Variants in KNDC1 observed in about 807,000 individuals in gnomAD.
The protein encoded by KNDC1 is kinase non-catalytic C-lobe domain-containing protein 1.
KNDC1 carries 106 observed loss-of-function variants against 172.8 expected under a neutral mutation model. That is an observed-to-expected ratio of 0.61 (90% CI 0.52 to 0.72). KNDC1 has a LOEUF of 0.72. KNDC1 is among the 30% of genes least tolerant of loss of function. KNDC1 has a pLI of 0.00. For synonymous variants in KNDC1, 1,083 were observed against 1,062.2 expected, an observed-to-expected ratio of 1.02 and a Z score of -0.38; for missense variants, 2,325 against 2,394.5, an observed-to-expected ratio of 0.97 and a Z score of 0.61.
Position 133,170,626 on chromosome 10 carries a change from C to G in KNDC1, c.360+2314C>G, listed in dbSNP as rs192449308. Among the ~76,000 whole-genome samples the G allele has an allele frequency of 1.6e-3, 238 of 152,326 alleles. 1 individual carries two copies. The highest frequency in any genetic ancestry group is 4.4e-3 in the African/African-American group (183 of 41,564). ...TTAAAACCAAGACATTTTAAGTTAT[C>G]TATTAATTCATTTAAAAATCACAAT... On this transcript the variant is annotated intron_variant, in intron 3 of 29. Coordinates refer to ENST00000304613, the MANE Select transcript of KNDC1 (RefSeq NM_152643.8).
chr10:133,198,502 G>A lies in KNDC1; in HGVS notation c.2069+3G>A, dbSNP rs1282938570. 5 of 1,598,288 alleles carry A rather than the reference G, an allele frequency of 3.1e-6. No homozygotes were observed. Among genetic ancestry groups the A allele is most frequent in the South Asian group, 1.1e-5 (1 of 89,796 alleles). On this transcript the variant is annotated splice_donor_region_variant and intron_variant, in intron 13 of 29. Transcript: ENST00000304613. The stretch of plus-strand genomic sequence containing the variant: ...GCGCAGAACGCAAGTGTGGCCAGGT[G>A]AGCATCGTCCCCACACCCCGGAGCT...
chr10:133,163,607 C>G lies in KNDC1; in HGVS notation c.102+3038C>G, dbSNP rs1256231350. ...AGTTTTGTATTAGTCCTGTTAGAAT[C>G]CCACGGCTGAAAAAAATCAGTTGGT... On this transcript the variant is annotated intron_variant, in intron 1 of 29. Transcript: ENST00000304613. The surrounding 1 kb of genome is among the most constrained non-coding windows in gnomAD (Gnocchi z 4.4). Among the ~76,000 whole-genome samples, 1 of 152,112 alleles carries G rather than the reference C, an allele frequency of 6.6e-6. No individual in the cohort carries two copies. Among genetic ancestry groups the G allele is most frequent in the Non-Finnish European group, 1.5e-5 (1 of 68,026 alleles).
Position 133,207,265 on chromosome 10 carries a change from C to T in KNDC1, c.3708C>T (p.Asn1236=), listed in dbSNP as rs147343928. Residue 1236 remains asparagine (N), a synonymous_variant, in exon 20 of 30, where the codon AAC becomes AAT. Transcript: ENST00000304613. ...AGTCCTCCTCGCTCATCTTCTACAA[C>T]GTCAACAAGCACCCGGGCGGCCGGC... ...LDESSSLIFY[N]VNKHPGGRQK... 9.9e-6 allele frequency: 16 copies of T among 1,613,124 alleles called. No individual in the cohort carries two copies. The highest frequency in any genetic ancestry group is 2.2e-5 in the East Asian group (1 of 44,874).
chr10:133,189,890 G>GGA, intron 9 of KNDC1, 77 bp downstream of exon 9: 1 of 1,228,084 alleles, frequency 8.1e-7, no homozygotes, highest in East Asian at 2.5e-5. Context: ...CTGTCCAGCA[G>GGA]CCCCCCATCA....
chr10:133,182,023 G>A (rs1264004823), intron 3 of KNDC1, among the ~76,000 whole-genome samples: 1 of 152,198 alleles, frequency 6.6e-6, no homozygotes, highest in Non-Finnish European at 1.5e-5. Context: ...GATGAGCTTG[G>A]TGATAGTGGT....
At chr10:133,176,447 A>G (rs1056960084) in intron 3 of KNDC1, among the ~76,000 whole-genome samples, 4 of 152,256 alleles carry the variant, frequency 2.6e-5, no homozygotes, top group South Asian at 4.1e-4. Flanking sequence ...TGTTGAGAGC[A>G]TGATCCCAGG....
intron 26 of KNDC1, among the ~76,000 whole-genome samples, chr10:133,216,358 A>G (rs1250293202): frequency 6.6e-6 from 1 of 152,184 alleles, no homozygotes; most frequent in Non-Finnish European, 1.5e-5. Flanking sequence ...CAGAAGCAGG[A>G]AGAAACAGCG....
At position 133,224,928 on chromosome 10, in the gene KNDC1, C is replaced by A; in HGVS notation, c.*38C>A. ...CTGGTGTGGAATTCCAGATCCGAATCCGACTGTGGGGGGCGGGCTGGGAGG... is the reference window on the plus strand; with the variant it reads ...CTGGTGTGGAATTCCAGATCCGAATACGACTGTGGGGGGCGGGCTGGGAGG... On this transcript the variant is annotated 3_prime_UTR_variant, in exon 30 of 30. Coordinates refer to ENST00000304613, the MANE Select transcript of KNDC1 (RefSeq NM_152643.8). The surrounding 1 kb of genome is among the most constrained non-coding windows in gnomAD (Gnocchi z 5.4). 2.0e-6 allele frequency: 3 copies of A among 1,536,272 alleles called. No individual in the cohort carries two copies. The highest frequency in any genetic ancestry group is 1.1e-5 in the South Asian group (1 of 88,530).
Position 133,200,400 on chromosome 10 carries a change from C to T in KNDC1, c.2929C>T (p.Leu977Phe). The change falls in exon 16 of 30, where the codon CTC (leucine) becomes TTC (phenylalanine). Residue 977 changes from leucine (L) to phenylalanine (F), a missense_variant. Physicochemically the swap from Leu to Phe is conservative, Grantham distance 22. Transcript: ENST00000304613. ...CACGGCCGAGGAGGCTGGGTCACAG[C>T]TCGAGGGCAGCCAAAGCCCCCGCTC... ...PSTAEEAGSQ[L>F]EGSQSPRSPS... The T allele has an allele frequency of 6.3e-7, 1 of 1,597,892 alleles. No individual in the cohort carries two copies. The highest frequency in any genetic ancestry group is 8.5e-7 in the Non-Finnish European group (1 of 1,173,040).
Position 133,189,500 on chromosome 10 carries a change from G to A in KNDC1, c.1442-98G>A, listed in dbSNP as rs1020050868. Reference sequence around the variant, plus strand: ...GCCCGTGCAATGGGGAGGCTGGGGGGCTGCCCGGCCTGACTGAGGCTCCGC... The same window carrying A: ...GCCCGTGCAATGGGGAGGCTGGGGGACTGCCCGGCCTGACTGAGGCTCCGC... On this transcript the variant is annotated intron_variant, in intron 7 of 29. Transcript: ENST00000304613. 1.2e-5 allele frequency: 14 copies of A among 1,172,490 alleles called. No homozygotes were observed. The East Asian group carries it at 1.5e-4, about 13-fold the overall frequency. 72.6% of individuals were successfully genotyped at this position (1,172,490 alleles called of 1,614,324 possible). A position where few individuals can be genotyped will look rare whatever the true frequency, so the allele number is the denominator to read the frequency against.
rs1589781917 is a variant in KNDC1, at chr10:133,224,591, A to C, written c.5019-68A>C. 1 of 1,092,436 alleles carries C rather than the reference A, an allele frequency of 9.2e-7. No homozygotes were observed. The highest frequency in any genetic ancestry group is 1.4e-6 in the Non-Finnish European group (1 of 738,266). 67.7% of individuals were successfully genotyped at this position (1,092,436 alleles called of 1,614,324 possible). On this transcript the variant is annotated intron_variant, in intron 29 of 29. Transcript: ENST00000304613. The surrounding 1 kb of genome is among the most constrained non-coding windows in gnomAD (Gnocchi z 5.4). ...AAATGATTCCTAAGAACGCGGGGGG[A>C]CTCCCTCCCCACGGAAGCCGCGCCC... is the stretch of plus-strand genomic sequence containing the variant.
At chr10:133,177,854 T>C (rs1421035754) in intron 3 of KNDC1, among the ~76,000 whole-genome samples, 3 of 151,508 alleles carry the variant, frequency 2.0e-5, no homozygotes, top group Non-Finnish European at 4.4e-5. Context: ...TGTAGTGTGT[T>C]GTCATGGGCA....
At chr10:133,223,788 A>C (rs1589781389) in intron 29 of KNDC1, among the ~76,000 whole-genome samples, 3 of 37,856 alleles carry the variant, frequency 7.9e-5, no homozygotes, top group Non-Finnish European at 1.0e-4. Flanking sequence ...TGTGTGTGAG[A>C]GCCCATCCAG....
intron 28 of KNDC1, among the ~76,000 whole-genome samples, chr10:133,219,387 G>A (rs915717684): frequency 5.3e-5 from 8 of 152,202 alleles, no homozygotes; most frequent in South Asian, 2.1e-4. Flanking sequence ...GAGCTTGACC[G>A]ACCTGGACCT....
At chr10:133,214,209 G>A in intron 26 of KNDC1, 87 bp downstream of exon 26, 1 of 1,445,676 alleles carries the variant, frequency 6.9e-7, no homozygotes, top group Non-Finnish European at 9.4e-7. Flanking sequence ...GCCGTGGCCT[G>A]AACCCTCTCC....
At position 133,198,346 on chromosome 10, in the gene KNDC1, C is replaced by T. The variant is rs1409655475; in HGVS notation, c.1916C>T (p.Pro639Leu). ...PAPEPSPGFL[P>L]VNSDTGLVAV... is the part of the protein sequence containing the mutation. ...CCCCCTGGCTCCCCAGGCTTCCTGCCGGTGAACAGCGACACCGGGCTTGTG... is the reference window on the plus strand; with the variant it reads ...CCCCCTGGCTCCCCAGGCTTCCTGCTGGTGAACAGCGACACCGGGCTTGTG... The change falls in exon 13 of 30, where the codon CCG (proline) becomes CTG (leucine). Residue 639 changes from proline to leucine, a missense_variant. Physicochemically the swap from Pro to Leu is moderately conservative, Grantham distance 98 (BLOSUM62 -3). Coordinates refer to ENST00000304613, the MANE Select transcript of KNDC1 (RefSeq NM_152643.8). The T allele has an allele frequency of 6.3e-6, 10 of 1,580,114 alleles. No homozygotes were observed. Among genetic ancestry groups the T allele is most frequent in the South Asian group, 5.7e-5 (5 of 87,736 alleles).
At chr10:133,210,842 G>A in intron 21 of KNDC1, 118 bp downstream of exon 21, 1 of 850,492 alleles carries the variant, frequency 1.2e-6, no homozygotes, top group Non-Finnish European at 2.0e-6. Context: ...CCAAGGGGGT[G>A]AGGGGCCAGG....
At position 133,198,977 on chromosome 10, in the gene KNDC1, C is replaced by T. The variant is rs560440547; in HGVS notation, c.2469C>T (p.His823=). The T allele has an allele frequency of 1.1e-4, 169 of 1,546,548 alleles. No individual in the cohort carries two copies. Among genetic ancestry groups the T allele is most frequent in the Non-Finnish European group, 1.3e-4 (152 of 1,150,260 alleles). The part of the protein sequence containing the change: ...PDALGPTTAH[H]GPRHPPKPPR... The stretch of plus-strand genomic sequence containing the variant: ...CCCTGGGGCCCACCACGGCCCACCA[C>T]GGCCCACGCCACCCGCCCAAGCCCC... The change falls in exon 14 of 30, where the codon CAC becomes CAT. Residue 823 remains histidine, a synonymous_variant. Transcript: ENST00000304613.
At chr10:133,161,157 G>A (rs547777904) in intron 1 of KNDC1, among the ~76,000 whole-genome samples, 2 of 152,280 alleles carry the variant, frequency 1.3e-5, no homozygotes, top group South Asian at 2.1e-4. Context: ...CTACAGCACC[G>A]GCTGCCCAGA....
Sources: allele counts gnomAD v4.1 joint callset (sites outside exome capture counted in the v4.1 genomes callset), GRCh38; gene constraint gnomAD v4.1.1; non-coding constraint Gnocchi (gnomAD v3.1); transcripts MANE v1.5; gene names NCBI Gene and HGNC (gene_info 2026-07-23, HGNC 2026-07-21).